The following ZNF146 variants were observed in gnomAD, a reference collection of about 807,000 sequenced individuals.
ZNF146 encodes the protein zinc finger protein 146.
A neutral mutation model predicts 22.2 loss-of-function variants in ZNF146; 9 were observed. That is an observed-to-expected ratio of 0.41 (90% CI 0.24 to 0.71). The LOEUF (loss-of-function observed/expected upper bound fraction) is 0.71, where lower values mean the gene tolerates loss of function less well. ZNF146 is among the 30% of genes least tolerant of loss of function. The pLI is 0.34. For synonymous variants in ZNF146, 108 were observed against 119.2 expected, an observed-to-expected ratio of 0.91 and a Z score of 0.61; for missense variants, 194 against 344.8, an observed-to-expected ratio of 0.56 and a Z score of 3.46.
intron 3 of ZNF146, among the ~76,000 whole-genome samples, chr19:36,229,240 T>A (rs763759804): frequency 2.6e-4 from 40 of 152,224 alleles, no homozygotes; most frequent in Non-Finnish European, 1.2e-4. Flanking sequence ...ATTTTACACC[T>A]GTTCTCACAC....
chr19:36,237,431 AC>A lies in ZNF146; in HGVS notation c.*113del. The A allele has an allele frequency of 7.4e-7, 1 of 1,358,312 alleles. No individual in the cohort carries two copies. Among genetic ancestry groups the A allele is most frequent in the Non-Finnish European group, 9.8e-7 (1 of 1,016,562 alleles). 84.1% of individuals were successfully genotyped at this position (1,358,312 alleles called of 1,614,324 possible). ...AGCACCACGAATGAGGTTAACTTTA[AC>A]AAGTACTAAAAACTTAAGGGACACC... is the stretch of plus-strand genomic sequence containing the variant. On this transcript the variant is annotated 3_prime_UTR_variant, in exon 4 of 4. Transcript: ENST00000443387.
chr19:36,236,582 G>C lies in ZNF146; in HGVS notation c.142G>C (p.Glu48Gln), dbSNP rs774347452. The change falls in exon 4 of 4, where the codon GAG becomes CAG. Residue 48 changes from glutamate to glutamine, a missense_variant. Physicochemically the swap from Glu to Gln is conservative, Grantham distance 29. Coordinates refer to ENST00000443387, the MANE Select transcript of ZNF146 (RefSeq NM_007145.3). ...HTREKPFECNECGKAFSQKQY... is the reference protein window; with the variant it reads ...HTREKPFECNQCGKAFSQKQY... ...GAGAGAGAAACCTTTTGAATGTAACGAGTGTGGAAAAGCCTTTAGCCAAAA... is the reference window on the plus strand; with the variant it reads ...GAGAGAGAAACCTTTTGAATGTAACCAGTGTGGAAAAGCCTTTAGCCAAAA... 3 of 1,614,082 alleles carry C rather than the reference G, an allele frequency of 1.9e-6. No individual in the cohort carries two copies. In the African/African-American group the frequency reaches 4.0e-5, roughly 22 times the overall value.
chr19:36,236,454 G>A lies in ZNF146; in HGVS notation c.14G>A (p.Ser5Asn). The change falls in exon 4 of 4, where the codon AGC becomes AAC. Residue 5 changes from serine (S) to asparagine (N), a missense_variant. Physicochemically the swap from Ser to Asn is conservative, Grantham distance 46. Transcript: ENST00000443387. ...GCTTCCATTCAGATGTCACACCTCA[G>A]CCAGCAGAGAATTTACAGTGGGGAA... MSHLSQQRIYSGENP... is the reference protein window; with the variant it reads MSHLNQQRIYSGENP... 1 of 1,604,130 alleles carries A rather than the reference G, an allele frequency of 6.2e-7. No individual in the cohort carries two copies. Among genetic ancestry groups the A allele is most frequent in the Non-Finnish European group, 8.5e-7 (1 of 1,174,480 alleles).
At chr19:36,220,087 A>G (rs1372682422) in intron 2 of ZNF146, among the ~76,000 whole-genome samples, 1 of 152,062 alleles carries the variant, frequency 6.6e-6, no homozygotes, top group Non-Finnish European at 1.5e-5. Context: ...GTTTTCCTGC[A>G]CTGCAGGCTT....
chr19:36,228,174 A>G (rs111788129), intron 2 of ZNF146, among the ~76,000 whole-genome samples: 91 of 144,292 alleles, frequency 6.3e-4, no homozygotes, highest in East Asian at 2.6e-3. Flanking sequence ...AAAAAAAAAA[A>G]AAAGAAAGAA....
Position 36,236,463 on chromosome 19 carries a change from G to T in ZNF146, c.23G>T (p.Arg8Ile), listed in dbSNP as rs2070132. The change falls in exon 4 of 4, where the codon AGA becomes ATA. Residue 8 changes from arginine (R) to isoleucine (I), a missense_variant. Physicochemically the swap from Arg to Ile is moderately conservative, Grantham distance 97. Transcript: ENST00000443387. MSHLSQQRIYSGENPFAC... is the reference protein window; with the variant it reads MSHLSQQIIYSGENPFAC... Reference sequence around the variant, plus strand: ...CAGATGTCACACCTCAGCCAGCAGAGAATTTACAGTGGGGAAAACCCCTTT... The same window carrying T: ...CAGATGTCACACCTCAGCCAGCAGATAATTTACAGTGGGGAAAACCCCTTT... The T allele has an allele frequency of 1.9e-6, 3 of 1,607,686 alleles. No homozygotes were observed. The highest frequency in any genetic ancestry group is 2.5e-6 in the Non-Finnish European group (3 of 1,176,520).
chr19:36,238,422 T>C lies in ZNF146; in HGVS notation c.*1103T>C, dbSNP rs1263207999. 6.0e-6 allele frequency: 1 copy of C among 166,954 alleles called. No individual in the cohort carries two copies. Among genetic ancestry groups the C allele is most frequent in the Non-Finnish European group, 1.5e-5 (1 of 68,104 alleles). The allele number at this position is 166,954 out of a possible 1,614,324, so 10.3% of individuals were successfully genotyped here. A position where few individuals can be genotyped will look rare whatever the true frequency, so the allele number is the denominator to read the frequency against. Reference sequence around the variant, plus strand: ...TAATGAGTGTGGGAGGTGGGATGGGTATTGGTTAAAGGGGACTTCAGCTTT... The same window carrying C: ...TAATGAGTGTGGGAGGTGGGATGGGCATTGGTTAAAGGGGACTTCAGCTTT... On this transcript the variant is annotated 3_prime_UTR_variant, in exon 4 of 4. Transcript: ENST00000443387.
intron 2 of ZNF146, among the ~76,000 whole-genome samples, chr19:36,225,599 T>C (rs1977030184): frequency 6.6e-6 from 1 of 151,882 alleles, no homozygotes; most frequent in Admixed American, 6.6e-5. Context: ...TACAGGTGCA[T>C]ACCACCATAC....
rs547454595 is a variant in ZNF146, at chr19:36,231,213, GTTC to G, written c.-783+2400_-783+2402del. 3.3e-3 allele frequency among the ~76,000 whole-genome samples: 509 copies of G among 152,086 alleles called. 3 individuals are homozygous for G. The highest frequency in any genetic ancestry group is 0.01 in the African/African-American group (426 of 41,506). ...CCCTGTCTCTACTAAAAATACAAAA[GTTC>G]TTCTTTTTTTTGAGACATAGTTTCA... On this transcript the variant is annotated intron_variant, in intron 3 of 3. Transcript: ENST00000443387.
Position 36,236,525 on chromosome 19 carries a change from T to A in ZNF146, c.85T>A (p.Ser29Thr), listed in dbSNP as rs1977650404. The change falls in exon 4 of 4, where the codon TCA becomes ACA. Residue 29 changes from serine (S) to threonine (T), a missense_variant. Physicochemically the swap from Ser to Thr is moderately conservative, Grantham distance 58 (BLOSUM62 1). Around this residue, in one of 2 missense-constraint regions of ZNF146, gnomAD observed 47 missense variants for 44.7 expected, o/e 1.05. Coordinates refer to ENST00000443387, the MANE Select transcript of ZNF146 (RefSeq NM_007145.3). ...KVCGKVFSHK[S>T]NLTEHEHFHT... is the part of the protein sequence containing the mutation. ...ATGTGGAAAAGTCTTCAGCCACAAA[T>A]CAAACCTCACTGAGCATGAGCATTT... 6.2e-7 allele frequency: 1 copy of A among 1,614,030 alleles called. No individual in the cohort carries two copies. Among genetic ancestry groups the A allele is most frequent in the African/African-American group, 1.3e-5 (1 of 74,926 alleles).
chr19:36,224,745 C>G (rs912575476), intron 2 of ZNF146, among the ~76,000 whole-genome samples: 3 of 152,142 alleles, frequency 2.0e-5, no homozygotes, highest in Non-Finnish European at 2.9e-5. Flanking sequence ...TATAAAATAA[C>G]TTGGGAATAG....
intron 1 of ZNF146, among the ~76,000 whole-genome samples, chr19:36,216,847 C>T (rs1460194165): frequency 2.4e-5 from 2 of 83,640 alleles, no homozygotes; most frequent in Non-Finnish European, 5.2e-5. Flanking sequence ...TCAGGCCGGG[C>T]TTGGTGGCTC....
chr19:36,222,975 C>CCT (rs1348162827), intron 2 of ZNF146, among the ~76,000 whole-genome samples: 1 of 151,830 alleles, frequency 6.6e-6, no homozygotes, highest in East Asian at 1.9e-4. Flanking sequence ...ACACCAAAGA[C>CCT]CTTTTTATTC....
rs774573064 is a variant in ZNF146, at chr19:36,237,254, G to C, written c.814G>C (p.Glu272Gln). 5.6e-6 allele frequency: 9 copies of C among 1,613,930 alleles called. No individual in the cohort carries two copies. In the Admixed American group the frequency reaches 1.3e-4, roughly 24 times the overall value. The change falls in exon 4 of 4, where the codon GAA becomes CAA. Residue 272 changes from glutamate (E) to glutamine (Q), a missense_variant. This residue lies in a region of ZNF146 where 147 missense variants were observed against 300.1 expected (regional missense o/e 0.49). Coordinates refer to ENST00000443387, the MANE Select transcript of ZNF146 (RefSeq NM_007145.3). ...HTGKKPYQCS[E>Q]CGKAFSQKSH... ...AGGTAAGAAGCCTTATCAGTGCAGTGAATGTGGGAAAGCTTTCAGCCAGAA... is the reference window on the plus strand; with the variant it reads ...AGGTAAGAAGCCTTATCAGTGCAGTCAATGTGGGAAAGCTTTCAGCCAGAA...
At position 36,216,901 on chromosome 19, in the gene ZNF146, T is replaced by C. The variant is rs150576185; in HGVS notation, c.-928-1221T>C. On this transcript the variant is annotated intron_variant, in intron 1 of 3. Transcript: ENST00000443387. ...AGGAGGATGGCTAGAGTCCAGGAGT[T>C]AGAGACCAGCTTGGGCGACATAGTG... Among the ~76,000 whole-genome samples the C allele has an allele frequency of 3.9e-4, 52 of 133,972 alleles. 1 individual carries two copies. The East Asian group carries it at 0.011, about 28-fold the overall frequency. 87.9% of individuals were successfully genotyped at this position (133,972 alleles called of 152,430 possible).
At chr19:36,229,652 GTATAT>G (rs964334868) in intron 3 of ZNF146, among the ~76,000 whole-genome samples, 42 of 152,152 alleles carry the variant, frequency 2.8e-4, no homozygotes, top group Admixed American at 2.2e-3. Context: ...ATAAATGGTG[GTATAT>G]TATATATTCT....
At position 36,228,776 on chromosome 19, in the gene ZNF146, G is replaced by A. The variant is rs2145432929; in HGVS notation, c.-826G>A. ...ATATGATCCTCTGTTGAAGCAAGAA[G>A]ACAAACTGTATGGTGGAGAAAGAAG... On this transcript the variant is annotated 5_prime_UTR_variant, in exon 3 of 4. Transcript: ENST00000443387. The A allele has an allele frequency of 1.3e-5, 2 of 152,396 alleles. No individual in the cohort carries two copies. Among genetic ancestry groups the A allele is most frequent in the Middle Eastern group, 6.8e-3 (2 of 296 alleles). 9.4% of individuals were successfully genotyped at this position (152,396 alleles called of 1,614,324 possible).
Position 36,236,736 on chromosome 19 carries a change from C to CTT in ZNF146, c.299_300dup (p.Glu101LeufsTer73). On this transcript the variant is annotated frameshift_variant, in exon 4 of 4. Transcript: ENST00000443387. LOFTEE classifies it high-confidence loss of function. ...CAGAAAATTCACACTGGAGAAAAAC[C>CTT]TTTTGAGTGTAAAGATTGCGGGAAA... 1 of 1,614,116 alleles carries CTT rather than the reference C, an allele frequency of 6.2e-7. No individual in the cohort carries two copies. The highest frequency in any genetic ancestry group is 8.5e-7 in the Non-Finnish European group (1 of 1,180,030).
At chr19:36,230,779 A>G (rs932739523) in intron 3 of ZNF146, among the ~76,000 whole-genome samples, 7 of 152,116 alleles carry the variant, frequency 4.6e-5, no homozygotes, top group South Asian at 2.1e-4. Flanking sequence ...GGGAGACCCA[A>G]CAGAGGGCCA....
Sources: allele counts gnomAD v4.1 joint callset (sites outside exome capture counted in the v4.1 genomes callset), GRCh38; gene constraint gnomAD v4.1.1; regional missense constraint gnomAD v4.1.1; transcripts MANE v1.5; gene names NCBI Gene and HGNC (gene_info 2026-07-23, HGNC 2026-07-21).